The following RAB1A variants were observed in gnomAD, a reference collection of about 807,000 sequenced individuals.
RAB1A encodes RAB1A, member RAS oncogene family.
RAB1A carries 2 observed loss-of-function variants against 26.0 expected under a neutral mutation model. That is an observed-to-expected ratio of 0.08 (90% confidence interval 0.03 to 0.24). The LOEUF (loss-of-function observed/expected upper bound fraction) is 0.24. Among genes scored for constraint, RAB1A ranks in the 10% least tolerant of loss-of-function variants. RAB1A has a pLI of 1.00. For missense variants in RAB1A, 100 were observed against 247.0 expected, an observed-to-expected ratio of 0.40 and a Z score of 3.99; for synonymous variants, 84 against 84.9, an observed-to-expected ratio of 0.99 and a Z score of 0.06.
At chr2:65,122,712 C>T (rs1211344126) in intron 1 of RAB1A, among the ~76,000 whole-genome samples, 1 of 152,034 alleles carries the variant, frequency 6.6e-6, no homozygotes, top group African/African-American at 2.4e-5. Flanking sequence ...CGTGGTGGCT[C>T]ACGCCTGTAA....
intron 1 of RAB1A, among the ~76,000 whole-genome samples, chr2:65,120,102 G>A (rs961560844): frequency 1.3e-5 from 2 of 151,810 alleles, no homozygotes; most frequent in Non-Finnish European, 2.9e-5. Flanking sequence ...TTAGCTATTT[G>A]ACTATTTTTA....
At chr2:65,127,835 G>C (rs1192216253) in intron 1 of RAB1A, among the ~76,000 whole-genome samples, 1 of 152,120 alleles carries the variant, frequency 6.6e-6, no homozygotes, top group Non-Finnish European at 1.5e-5. Flanking sequence ...CCGGGATCAC[G>C]CCATTCTCCT....
At chr2:65,106,413 A>C (rs1669561250) in intron 1 of RAB1A, 1 of 358,236 alleles carries the variant, frequency 2.8e-6, no homozygotes, top group African/African-American at 2.2e-5. Context: ...TTTTGTTTTA[A>C]TTGCACTGCC....
intron 3 of RAB1A, among the ~76,000 whole-genome samples, chr2:65,092,013 G>A (rs1009805900): frequency 3.9e-5 from 6 of 152,176 alleles, no homozygotes; most frequent in Non-Finnish European, 8.8e-5. Flanking sequence ...GGTGGCTCAC[G>A]CCTGTAATCC....
chr2:65,102,188 A>G (rs1004336755), intron 2 of RAB1A, among the ~76,000 whole-genome samples: 33 of 152,194 alleles, frequency 2.2e-4, no homozygotes, highest in African/African-American at 7.9e-4. Context: ...TATATTTGCT[A>G]TTGCCATTAG....
chr2:65,108,255 G>A (rs1424306755), intron 1 of RAB1A, among the ~76,000 whole-genome samples: 6 of 151,250 alleles, frequency 4.0e-5, no homozygotes, highest in South Asian at 2.1e-4. Context: ...CCAGCTACTC[G>A]GGAGGCTGAG....
rs58993413 is a variant in RAB1A at position 65,089,702 on chromosome 2, AT to A, written c.289-633del. 3.3e-4 allele frequency among the ~76,000 whole-genome samples: 47 copies of A among 141,982 alleles called. 1 individual carries two copies. The highest frequency in any genetic ancestry group is 7.2e-4 in the African/African-American group (27 of 37,692). 93.1% of individuals were successfully genotyped at this position (141,982 alleles called of 152,430 possible). A position where few individuals can be genotyped will look rare whatever the true frequency, so the allele number is the denominator to read the frequency against. On this transcript the variant is annotated intron_variant, in intron 4 of 5. Transcript: ENST00000409784. ...AAAACCTGGTTTTGAAATTTGATTA[AT>A]TTTTTTTTTTTTTTTTTGAGACAAA...
Position 65,089,028 on chromosome 2 carries a change from G to A in RAB1A, c.331C>T (p.Arg111Cys), listed in dbSNP as rs1429726937. The A allele has an allele frequency of 6.2e-7, 1 of 1,610,088 alleles. No homozygotes were observed. Among genetic ancestry groups the A allele is most frequent in the Non-Finnish European group, 8.5e-7 (1 of 1,177,538 alleles). ...NVKQWLQEID[R>C]YASENVNKLL... Reference sequence around the variant, plus strand: ...TTGTTGACATTTTCACTGGCATAACGATCTATTTCCTGCAGCCACTGTTTA... The same window carrying A: ...TTGTTGACATTTTCACTGGCATAACAATCTATTTCCTGCAGCCACTGTTTA... The change falls in exon 5 of 6, where the codon CGT becomes TGT. Residue 111 changes from arginine to cysteine, a missense_variant. By Grantham distance (180) the Arg-to-Cys change is radical (BLOSUM62 -3). Transcript: ENST00000409784.
intron 1 of RAB1A, among the ~76,000 whole-genome samples, chr2:65,129,264 A>T (rs1465037202): frequency 6.6e-6 from 1 of 151,234 alleles, no homozygotes; most frequent in African/African-American, 2.4e-5. Context: ...GGACCCGGCG[A>T]GCTCTTAAAC....
intron 2 of RAB1A, among the ~76,000 whole-genome samples, chr2:65,101,958 A>G (rs1271365144): frequency 2.0e-5 from 3 of 152,020 alleles, no homozygotes; most frequent in African/African-American, 2.4e-5. Context: ...CATGTTGGTC[A>G]GGCTGGTCTC....
chr2:65,102,702 C>T (rs1249823180), intron 2 of RAB1A, among the ~76,000 whole-genome samples: 8 of 150,646 alleles, frequency 5.3e-5, no homozygotes, highest in Non-Finnish European at 1.2e-4. Context: ...CTGAGACAAG[C>T]GGATCACGAA....
At chr2:65,104,959 G>T in intron 1 of RAB1A, 153 bp from the exon 2 acceptor site, 2 of 758,360 alleles carry the variant, frequency 2.6e-6, no homozygotes, top group Non-Finnish European at 4.9e-6. Context: ...ACTGCAAACA[G>T]CCACAGCCCT....
At chr2:65,113,533 T>C (rs569505690) in intron 1 of RAB1A, among the ~76,000 whole-genome samples, 2 of 152,154 alleles carry the variant, frequency 1.3e-5, no homozygotes, top group African/African-American at 4.8e-5. Context: ...AAATAAAAAA[T>C]ATAAAAATTA....
At chr2:65,097,410 T>C (rs1669314709) in intron 3 of RAB1A, among the ~76,000 whole-genome samples, 1 of 152,208 alleles carries the variant, frequency 6.6e-6, no homozygotes, top group Non-Finnish European at 1.5e-5. Flanking sequence ...TACCAGTAAC[T>C]GTAGGCAAGT....
intron 1 of RAB1A, among the ~76,000 whole-genome samples, chr2:65,107,418 A>C (rs1385628358): frequency 6.6e-6 from 1 of 152,182 alleles, no homozygotes. Flanking sequence ...GTATATGTTA[A>C]GAATTTACCT....
chr2:65,113,648 A>G (rs1289672117), intron 1 of RAB1A, among the ~76,000 whole-genome samples: 2 of 152,274 alleles, frequency 1.3e-5, no homozygotes, highest in African/African-American at 2.4e-5. Context: ...TTTCTTGCCT[A>G]AAGTACAAAG....
chr2:65,106,006 C>T (rs568515511), intron 1 of RAB1A, among the ~76,000 whole-genome samples: 38 of 152,178 alleles, frequency 2.5e-4, no homozygotes, highest in Non-Finnish European at 4.4e-4. Context: ...ATGATCTGCC[C>T]GCCTCAGCCT....
chr2:65,112,278 G>T (rs181105746), intron 1 of RAB1A, among the ~76,000 whole-genome samples: 48 of 151,548 alleles, frequency 3.2e-4, no homozygotes, highest in Non-Finnish European at 5.3e-4. Flanking sequence ...CTCCCTAGTA[G>T]CTGGGATTAC....
chr2:65,091,728 T>C (rs1324142677), intron 3 of RAB1A, among the ~76,000 whole-genome samples: 1 of 152,146 alleles, frequency 6.6e-6, no homozygotes, highest in African/African-American at 2.4e-5. Context: ...TCTCGCTACA[T>C]TGCCCAGGCT....
Sources: gnomAD v4.1 joint callset for allele counts (sites outside exome capture counted in the v4.1 genomes callset) on GRCh38, gnomAD v4.1.1 for gene constraint, MANE v1.5 for transcripts, NCBI Gene and HGNC (gene_info 2026-07-23, HGNC 2026-07-21) for gene names.